TLN2: variants seen among roughly 807,000 people sequenced by gnomAD.
The protein encoded by TLN2 is talin-2.
TLN2 carries 118 observed loss-of-function variants against 294.7 expected under a neutral mutation model. That is an observed-to-expected ratio of 0.40 (90% confidence interval 0.34 to 0.47). The LOEUF (loss-of-function observed/expected upper bound fraction) is 0.47, where lower values mean the gene tolerates loss of function less well. Among genes scored for constraint, TLN2 ranks in the 20% least tolerant of loss-of-function variants. The probability of loss-of-function intolerance (pLI) is 0.84; values close to 1 mark genes in which losing one functional copy is unlikely to be tolerated. For missense variants in TLN2, 3,083 were observed against 3,282.2 expected (o/e 0.94, Z 1.48); for synonymous variants, 1,431 against 1,304.5 (o/e 1.10, Z -2.09).
chr15:62,761,851 AAG>A (rs2062694656), intron 38 of TLN2, 30 bp downstream of exon 38: 9 of 1,611,814 alleles, frequency 5.6e-6, no homozygotes, highest in Non-Finnish European at 7.6e-6. Context: ...ACATCATACT[AAG>A]GTCTTTGGCT....
intron 45 of TLN2, among the ~76,000 whole-genome samples, chr15:62,787,790 C>G (rs2064797932): frequency 6.9e-6 from 1 of 144,056 alleles, no homozygotes; most frequent in Non-Finnish European, 1.5e-5. Context: ...CCACCGGGTT[C>G]AAGCGATTCT....
At chr15:62,716,197 C>G in intron 22 of TLN2, 134 bp from the exon 23 acceptor site, 2 of 1,116,852 alleles carry the variant, frequency 1.8e-6, no homozygotes, top group South Asian at 6.2e-5. Context: ...ACATCTTCAT[C>G]ATAAAGATAT....
chr15:62,677,025 C>A (rs754633150), intron 11 of TLN2, among the ~76,000 whole-genome samples: 12 of 152,250 alleles, frequency 7.9e-5, no homozygotes, highest in Non-Finnish European at 1.8e-4. Context: ...CCCTGATTCA[C>A]AGATGGTGTT....
At chr15:62,465,292 G>C (rs1450385150) in intron 1 of TLN2, among the ~76,000 whole-genome samples, 1 of 151,956 alleles carries the variant, frequency 6.6e-6, no homozygotes, top group African/African-American at 2.4e-5. Flanking sequence ...CCCTATCCCA[G>C]CTTGCCACCT....
intron 2 of TLN2, among the ~76,000 whole-genome samples, chr15:62,598,858 A>G (rs1231330741): frequency 2.0e-5 from 3 of 151,990 alleles, no homozygotes; most frequent in African/African-American, 4.8e-5. Flanking sequence ...GACCGGATGG[A>G]TGGCAGGTGC....
At chr15:62,528,968 C>T (rs1317499810) in intron 1 of TLN2, among the ~76,000 whole-genome samples, 1 of 152,168 alleles carries the variant, frequency 6.6e-6, no homozygotes, top group Non-Finnish European at 1.5e-5. Flanking sequence ...ACACATTGCA[C>T]TGGTTATTTC....
At chr15:62,670,537 G>C (rs1029447418) in intron 9 of TLN2, among the ~76,000 whole-genome samples, 1 of 152,154 alleles carries the variant, frequency 6.6e-6, no homozygotes, top group Non-Finnish European at 1.5e-5. Context: ...CCCTCCTTCT[G>C]ATGAACTTGG....
chr15:62,743,748 C>T (rs146385339), intron 32 of TLN2, among the ~76,000 whole-genome samples: 1,709 of 152,258 alleles, frequency 0.011, 13 homozygotes, highest in Middle Eastern at 0.031. Context: ...CTCTGAACAC[C>T]TTCCCTGAAT....
At chr15:62,699,546 C>A (rs1220458591) in intron 16 of TLN2, among the ~76,000 whole-genome samples, 2 of 152,294 alleles carry the variant, frequency 1.3e-5, no homozygotes, top group Middle Eastern at 6.8e-3. Flanking sequence ...CAGAGATCTT[C>A]CTGTAGCTGC....
At chr15:62,393,906 G>C (rs1222273957) in intron 1 of TLN2, among the ~76,000 whole-genome samples, 2 of 148,252 alleles carry the variant, frequency 1.3e-5, no homozygotes, top group East Asian at 2.0e-4. Flanking sequence ...CTTCCAAGTA[G>C]CTGGGACTGC....
intron 1 of TLN2, among the ~76,000 whole-genome samples, chr15:62,460,802 A>G (rs1369027623): frequency 2.0e-5 from 3 of 152,150 alleles, no homozygotes; most frequent in African/African-American, 7.2e-5. Context: ...ATTTTCACAA[A>G]CTGAACTCAC....
chr15:62,715,120 A>G (rs1374565555), intron 22 of TLN2, among the ~76,000 whole-genome samples: 1 of 152,268 alleles, frequency 6.6e-6, no homozygotes, highest in Admixed American at 6.5e-5. Flanking sequence ...GTTTGAAAGA[A>G]TAGGAGATTC....
chr15:62,721,906 C>T (rs2060171677), intron 25 of TLN2, among the ~76,000 whole-genome samples: 1 of 152,084 alleles, frequency 6.6e-6, no homozygotes, highest in African/African-American at 2.4e-5. Context: ...CATAGATGTC[C>T]CTTCACTGGC....
intron 3 of TLN2, among the ~76,000 whole-genome samples, chr15:62,639,076 A>C (rs971041523): frequency 6.6e-6 from 1 of 152,154 alleles, no homozygotes; most frequent in South Asian, 2.1e-4. Flanking sequence ...AGTGTTATGA[A>C]GTCCACAGAT....
intron 42 of TLN2, among the ~76,000 whole-genome samples, chr15:62,773,692 G>A (rs562533278): frequency 3.9e-5 from 6 of 152,136 alleles, no homozygotes; most frequent in African/African-American, 1.2e-4. Flanking sequence ...GCTTTGATAC[G>A]GTGAAAAATA....
At chr15:62,538,600 C>A (rs1031606477) in intron 1 of TLN2, among the ~76,000 whole-genome samples, 56 of 152,238 alleles carry the variant, frequency 3.7e-4, no homozygotes, top group African/African-American at 1.3e-3. Context: ...ATCCTTCCTC[C>A]TTGGTTTTAG....
At chr15:62,551,294 A>G (rs2042286718) in intron 1 of TLN2, among the ~76,000 whole-genome samples, 3 of 152,182 alleles carry the variant, frequency 2.0e-5, no homozygotes, top group African/African-American at 7.2e-5. Context: ...GTACCAGTCC[A>G]TGGCCTGGGG....
intron 40 of TLN2, among the ~76,000 whole-genome samples, chr15:62,765,681 CTCTG>C (rs1462676697): frequency 1.3e-5 from 2 of 152,238 alleles, no homozygotes; most frequent in African/African-American, 2.4e-5. Context: ...AGATATCTTT[CTCTG>C]TCTCTTTACA....
intron 5 of TLN2, 136 bp from the exon 6 acceptor site, chr15:62,651,869 C>T: frequency 9.1e-7 from 1 of 1,099,344 alleles, no homozygotes; most frequent in Non-Finnish European, 1.2e-6. Flanking sequence ...GAAAGGTTTT[C>T]AAAGATGTTT....
Sources: gnomAD v4.1 joint callset for allele counts (sites outside exome capture counted in the v4.1 genomes callset) on GRCh38, gnomAD v4.1.1 for gene constraint, MANE v1.5 for transcripts, NCBI Gene and HGNC (gene_info 2026-07-23, HGNC 2026-07-21) for gene names.